The following TSNAX variants were observed in gnomAD, a reference collection of about 807,000 sequenced individuals.
TSNAX encodes translin associated factor X.
In TSNAX, 12 loss-of-function variants were observed where a neutral mutation model predicts 33.0. The observed-to-expected ratio is 0.36, with a 90% CI of 0.23 to 0.59. TSNAX has a LOEUF of 0.59. Among genes scored for constraint, TSNAX ranks in the 20% least tolerant of loss-of-function variants. The probability of loss-of-function intolerance (pLI) is 0.74; values close to 1 mark genes in which losing one functional copy is unlikely to be tolerated. For missense variants in TSNAX, 267 were observed against 341.3 expected, an observed-to-expected ratio of 0.78 and a Z score of 1.72; for synonymous variants, 110 against 117.2, an observed-to-expected ratio of 0.94 and a Z score of 0.40.
chr1:231,549,197 G>A (rs1341303201), intron 4 of TSNAX, among the ~76,000 whole-genome samples: 3 of 152,196 alleles, frequency 2.0e-5, no homozygotes, highest in African/African-American at 7.2e-5. Context: ...TGTAATCCCA[G>A]CACTTTGGGA....
At chr1:231,539,636 A>G (rs1407980431) in intron 3 of TSNAX, among the ~76,000 whole-genome samples, 1 of 152,222 alleles carries the variant, frequency 6.6e-6, no homozygotes, top group African/African-American at 2.4e-5. Flanking sequence ...AGAAAATGGT[A>G]GTCTTTAGAA....
chr1:231,537,392 G>T lies in TSNAX; in HGVS notation c.236+65G>T, dbSNP rs1200951950. On this transcript the variant is annotated intron_variant, in intron 3 of 5. Coordinates refer to ENST00000366639, the MANE Select transcript of TSNAX (RefSeq NM_005999.3). ...AGCTATTAGAATATTCTGTGACTTT[G>T]TGAGGATTAGAAGACATCAGCAGTA... 22 of 1,111,480 alleles carry T rather than the reference G, an allele frequency of 2.0e-5. No homozygotes were observed. In the Middle Eastern group the frequency reaches 7.1e-4, roughly 36 times the overall value. The allele number at this position is 1,111,480 out of a possible 1,614,324, so 68.9% of individuals were successfully genotyped here.
chr1:231,529,173 G>A, intron 1 of TSNAX, 82 bp from the exon 2 acceptor site: 1 of 1,413,204 alleles, frequency 7.1e-7, no homozygotes, highest in Admixed American at 1.9e-5. Flanking sequence ...TGGTTTTAAA[G>A]CAAGGAGTAG....
intron 5 of TSNAX, 29 bp downstream of exon 5, chr1:231,561,284 G>A (rs1982095): frequency 0.37 from 526,833 of 1,429,074 alleles, 101,902 homozygotes; most frequent in African/African-American, 0.65. Flanking sequence ...TTTCACATTT[G>A]TTATATAATT....
At chr1:231,550,003 C>A (rs1157977955) in intron 4 of TSNAX, among the ~76,000 whole-genome samples, 1 of 152,220 alleles carries the variant, frequency 6.6e-6, no homozygotes, top group East Asian at 1.9e-4. Flanking sequence ...TTCCCTGGGT[C>A]TTCACATGGC....
chr1:231,560,792 A>G (rs945711091), intron 4 of TSNAX, among the ~76,000 whole-genome samples: 9 of 151,774 alleles, frequency 5.9e-5, no homozygotes, highest in African/African-American at 1.7e-4. Flanking sequence ...ACAGTGGCCC[A>G]GAGATTACAG....
At chr1:231,560,033 G>C (rs889488030) in intron 4 of TSNAX, among the ~76,000 whole-genome samples, 5 of 150,190 alleles carry the variant, frequency 3.3e-5, no homozygotes, top group Non-Finnish European at 7.4e-5. Flanking sequence ...AGGCCGCAGT[G>C]CAGTGGCATG....
At chr1:231,551,634 A>G (rs1660299147) in intron 4 of TSNAX, among the ~76,000 whole-genome samples, 1 of 151,944 alleles carries the variant, frequency 6.6e-6, no homozygotes, top group Admixed American at 6.6e-5. Flanking sequence ...ACTCAGTGGT[A>G]CCAATTTGCT....
intron 2 of TSNAX, chr1:231,535,399 ATTTTG>A (rs1366416014): frequency 6.6e-6 from 1 of 152,076 alleles, no homozygotes; most frequent in African/African-American, 2.4e-5. Context: ...CAAAGTAATT[ATTTTG>A]TTAACTGTTA....
At chr1:231,536,131 C>T (rs1246833055) in intron 2 of TSNAX, 3 of 152,150 alleles carry the variant, frequency 2.0e-5, no homozygotes, top group African/African-American at 7.2e-5. Flanking sequence ...TGATCATTTT[C>T]AGATGAACTC....
intron 4 of TSNAX, among the ~76,000 whole-genome samples, chr1:231,547,199 A>G (rs1356936444): frequency 6.6e-6 from 1 of 152,012 alleles, no homozygotes; most frequent in Non-Finnish European, 1.5e-5. Flanking sequence ...TGATTTTATA[A>G]CTGGTGAGAA....
chr1:231,531,411 G>T (rs545962414), intron 2 of TSNAX, among the ~76,000 whole-genome samples: 9 of 152,242 alleles, frequency 5.9e-5, no homozygotes, highest in African/African-American at 1.9e-4. Context: ...AAGAAACGTG[G>T]TTTCTGCTTT....
In TSNAX at chr1:231,560,292, AT is replaced by A. The variant is rs1307327307; in HGVS notation, c.368-832del. Among the ~76,000 whole-genome samples, 3 of 150,146 alleles carry A rather than the reference AT, an allele frequency of 2.0e-5. 1 individual carries two copies. Among genetic ancestry groups the A allele is most frequent in the Admixed American group, 1.3e-4 (2 of 15,010 alleles). ...TCGTGAACGGCCCAAATGATTCTTA[AT>A]TTTATGTCTCATTTGTTTGAATCAT... On this transcript the variant is annotated intron_variant, in intron 4 of 5. Transcript: ENST00000366639.
Position 231,547,360 on chromosome 1 carries a change from T to C in TSNAX, c.367+4749T>C, listed in dbSNP as rs896048325. Among the ~76,000 whole-genome samples the C allele has an allele frequency of 4.0e-5, 6 of 151,422 alleles. No individual in the cohort carries two copies. The East Asian group carries it at 1.2e-3, about 29-fold the overall frequency. ...ATCTAGTGCTTTAAACTGTTTTATC[T>C]AAAGCTAAAGGCTTTTTCTTTTTTT... is the stretch of plus-strand genomic sequence containing the variant. On this transcript the variant is annotated intron_variant, in intron 4 of 5. Transcript: ENST00000366639.
chr1:231,552,377 G>A (rs1195757798), intron 4 of TSNAX, among the ~76,000 whole-genome samples: 3 of 152,136 alleles, frequency 2.0e-5, no homozygotes, highest in Admixed American at 6.6e-5. Flanking sequence ...GGTAGTATAA[G>A]CACACATACT....
chr1:231,550,365 AC>A (rs1464570457), intron 4 of TSNAX, among the ~76,000 whole-genome samples: 4 of 152,236 alleles, frequency 2.6e-5, no homozygotes, highest in Admixed American at 6.5e-5. Flanking sequence ...TGAGCTGTGG[AC>A]TTCTTTTGTA....
intron 4 of TSNAX, among the ~76,000 whole-genome samples, chr1:231,546,207 A>C (rs1265842740): frequency 6.6e-6 from 1 of 152,228 alleles, no homozygotes; most frequent in East Asian, 1.9e-4. Flanking sequence ...CAGACACCTA[A>C]TAAGTCTCCC....
At chr1:231,551,600 CATTT>C (rs1181080463) in intron 4 of TSNAX, among the ~76,000 whole-genome samples, 2 of 151,864 alleles carry the variant, frequency 1.3e-5, no homozygotes, top group African/African-American at 4.8e-5. Context: ...TAAATTTTAA[CATTT>C]ATTTTCATTT....
At chr1:231,561,045 A>C in intron 4 of TSNAX, 83 bp from the exon 5 acceptor site, 1 of 1,379,078 alleles carries the variant, frequency 7.3e-7, no homozygotes, top group Non-Finnish European at 1.0e-6. Context: ...GAACTAGATG[A>C]TGATCAATAT....
Sources: gnomAD v4.1 joint callset for allele counts (sites outside exome capture counted in the v4.1 genomes callset) on GRCh38, gnomAD v4.1.1 for gene constraint, MANE v1.5 for transcripts, NCBI Gene and HGNC (gene_info 2026-07-23, HGNC 2026-07-21) for gene names.